The following NAV2 variants were observed in gnomAD, a reference collection of about 807,000 sequenced individuals.
The protein encoded by NAV2 is helicase, APC down-regulated 1.
A neutral mutation model predicts 223.2 loss-of-function variants in NAV2; 54 were observed. The ratio of observed to expected loss-of-function variants is 0.24; its 90% CI spans 0.19 to 0.30. The LOEUF is 0.30. Among genes scored for constraint, NAV2 ranks in the 10% least tolerant of loss-of-function variants. NAV2 has a pLI of 1.00. For missense variants in NAV2, 2,806 were observed against 3,147.5 expected, an observed-to-expected ratio of 0.89 and a Z score of 2.60; for synonymous variants, 1,279 against 1,239.3, an observed-to-expected ratio of 1.03 and a Z score of -0.67.
chr11:19,352,815 C>T (rs1853399825), intron 1 of NAV2, among the ~76,000 whole-genome samples: 1 of 152,136 alleles, frequency 6.6e-6, no homozygotes, highest in African/African-American at 2.4e-5. Flanking sequence ...GCATTGTGAT[C>T]GAGTTCCACA....
At chr11:19,880,607 C>T (rs914126800) in intron 5 of NAV2, among the ~76,000 whole-genome samples, 19 of 152,144 alleles carry the variant, frequency 1.2e-4, no homozygotes, top group South Asian at 6.2e-4. Context: ...CATCCCTGAG[C>T]GGGGCAGTAT....
rs76621330 is a variant in NAV2 at position 20,086,675 on chromosome 11, A to C, written c.5498+3496A>C. On this transcript the variant is annotated intron_variant, in intron 26 of 37. Coordinates refer to ENST00000349880, the MANE Select transcript of NAV2 (RefSeq NM_145117.5). Reference sequence around the variant, plus strand: ...ATTTGGTGGAATGAATGAGCCACTGATAACAGTAGTGAGTTCTGGATGTAT... The same window carrying C: ...ATTTGGTGGAATGAATGAGCCACTGCTAACAGTAGTGAGTTCTGGATGTAT... Among the ~76,000 whole-genome samples the C allele has an allele frequency of 5.3e-3, 811 of 152,324 alleles. 10 individuals carry two copies. Among genetic ancestry groups the C allele is most frequent in the African/African-American group, 0.019 (776 of 41,574 alleles).
At chr11:19,552,475 C>T (rs1356810198) in intron 1 of NAV2, among the ~76,000 whole-genome samples, 1 of 152,108 alleles carries the variant, frequency 6.6e-6, no homozygotes, top group African/African-American at 2.4e-5. Flanking sequence ...GCCACGGGCA[C>T]AGGAGCCACC....
intron 1 of NAV2, among the ~76,000 whole-genome samples, chr11:19,449,403 A>G (rs915915986): frequency 8.5e-5 from 13 of 152,158 alleles, no homozygotes; most frequent in Non-Finnish European, 1.3e-4. Context: ...TCTCAAAAAA[A>G]AAAAAAAATG....
chr11:19,673,400 A>G (rs1054837823), intron 1 of NAV2, among the ~76,000 whole-genome samples: 2 of 152,240 alleles, frequency 1.3e-5, no homozygotes, highest in Admixed American at 6.5e-5. Context: ...GAGGAAACAA[A>G]TGAAGAACAG....
chr11:19,759,152 A>T (rs908642363), intron 1 of NAV2, among the ~76,000 whole-genome samples: 2 of 125,810 alleles, frequency 1.6e-5, no homozygotes, highest in African/African-American at 6.2e-5. Flanking sequence ...GCACAATCTC[A>T]GCTCACTGCA....
intron 1 of NAV2, among the ~76,000 whole-genome samples, chr11:19,704,563 C>A (rs2049602294): frequency 1.3e-5 from 2 of 152,208 alleles, no homozygotes; most frequent in South Asian, 2.1e-4. Flanking sequence ...GAATAACTAT[C>A]TACCTCATGA....
At chr11:19,607,384 T>C (rs1158002373) in intron 1 of NAV2, among the ~76,000 whole-genome samples, 2 of 152,322 alleles carry the variant, frequency 1.3e-5, no homozygotes, top group South Asian at 2.1e-4. Context: ...CACCTTGCCA[T>C]CATGAGCTCT....
At chr11:19,845,833 G>A (rs2060774427) in intron 3 of NAV2, among the ~76,000 whole-genome samples, 1 of 152,176 alleles carries the variant, frequency 6.6e-6, no homozygotes, top group Non-Finnish European at 1.5e-5. Flanking sequence ...ATCATAATGG[G>A]CTTGGCATTG....
At chr11:19,673,002 A>G (rs2048612677) in intron 1 of NAV2, among the ~76,000 whole-genome samples, 4 of 152,252 alleles carry the variant, frequency 2.6e-5, no homozygotes, top group Admixed American at 2.6e-4. Flanking sequence ...TTACATGGAT[A>G]CAACATGGTT....
chr11:19,810,458 T>C (rs2058785486), intron 1 of NAV2, among the ~76,000 whole-genome samples: 1 of 152,228 alleles, frequency 6.6e-6, no homozygotes, highest in Admixed American at 6.5e-5. Flanking sequence ...GGGCTGTTGT[T>C]ATTTTTAGAA....
chr11:19,870,820 A>C (rs2062436854), intron 4 of NAV2, among the ~76,000 whole-genome samples: 1 of 152,148 alleles, frequency 6.6e-6, no homozygotes, highest in Non-Finnish European at 1.5e-5. Context: ...GCCAGGATTT[A>C]CACCCAGTTC....
intron 1 of NAV2, among the ~76,000 whole-genome samples, chr11:19,632,395 T>G (rs539586104): frequency 6.6e-6 from 1 of 152,332 alleles, no homozygotes; most frequent in East Asian, 1.9e-4. Context: ...TTTGTCCAAA[T>G]GAAATAATGT....
intron 11 of NAV2, among the ~76,000 whole-genome samples, chr11:19,984,941 G>A (rs1244542122): frequency 6.6e-6 from 1 of 152,194 alleles, no homozygotes; most frequent in Non-Finnish European, 1.5e-5. Context: ...ATCCCTTCCA[G>A]TTCTAATGTT....
intron 32 of NAV2, 47 bp from the exon 33 acceptor site, chr11:20,103,208 A>G: frequency 6.4e-7 from 1 of 1,573,926 alleles, no homozygotes; most frequent in Non-Finnish European, 8.6e-7. Flanking sequence ...GTCTTCACTG[A>G]GTGCATTCAC....
chr11:19,915,189 C>T (rs1454467745), intron 6 of NAV2, among the ~76,000 whole-genome samples: 7 of 152,186 alleles, frequency 4.6e-5, no homozygotes, highest in African/African-American at 2.4e-5. Context: ...AGCCACTGTG[C>T]TTTCAAGGAA....
At chr11:19,588,692 C>A (rs2045967203) in intron 1 of NAV2, among the ~76,000 whole-genome samples, 1 of 152,064 alleles carries the variant, frequency 6.6e-6, no homozygotes, top group Admixed American at 6.6e-5. Context: ...TGGTGGAAGA[C>A]CTGCTGGAAA....
chr11:19,722,080 G>T (rs907128441), intron 1 of NAV2, among the ~76,000 whole-genome samples: 1 of 152,210 alleles, frequency 6.6e-6, no homozygotes, highest in Non-Finnish European at 1.5e-5. Flanking sequence ...AGGAGTGTGT[G>T]TATGTACTCA....
chr11:19,500,980 G>T (rs762715469), intron 1 of NAV2, among the ~76,000 whole-genome samples: 55 of 152,152 alleles, frequency 3.6e-4, no homozygotes, highest in African/African-American at 1.3e-3. Context: ...TCAAGGCATC[G>T]GAAGGGCTGT....
Sources: allele counts gnomAD v4.1 joint callset (sites outside exome capture counted in the v4.1 genomes callset), GRCh38; gene constraint gnomAD v4.1.1; transcripts MANE v1.5; gene names NCBI Gene and HGNC (gene_info 2026-07-23, HGNC 2026-07-21).